The following ANKS1B variants were observed in gnomAD, a reference collection of about 807,000 sequenced individuals.
ANKS1B encodes the protein ankyrin repeat and sterile alpha motif domain containing 1B.
Under a neutral mutation model 148.3 loss-of-function variants are expected in ANKS1B, and 36 were observed. The ratio of observed to expected loss-of-function variants is 0.24; its 90% CI spans 0.19 to 0.32. The LOEUF (loss-of-function observed/expected upper bound fraction) is 0.32. Among genes scored for constraint, ANKS1B ranks in the 10% least tolerant of loss-of-function variants. ANKS1B has a pLI of 1.00. For synonymous variants in ANKS1B, 542 were observed against 560.8 expected, an observed-to-expected ratio of 0.97 and a Z score of 0.47; for missense variants, 1,157 against 1,542.6, an observed-to-expected ratio of 0.75 and a Z score of 4.19.
chr12:99,564,489 G>A (rs907384279), intron 9 of ANKS1B, among the ~76,000 whole-genome samples: 10 of 151,632 alleles, frequency 6.6e-5, no homozygotes, highest in African/African-American at 1.9e-4. Context: ...AAAAAATAGA[G>A]ACCAATTTAA....
intron 12 of ANKS1B, among the ~76,000 whole-genome samples, chr12:99,277,008 G>A (rs141555668): frequency 3.0e-4 from 46 of 152,126 alleles, no homozygotes; most frequent in East Asian, 1.4e-3. Context: ...CTTTCTTGCC[G>A]AATATCACTA....
rs1030631428 is a variant in ANKS1B at position 98,801,059 on chromosome 12, C to T, written c.3208G>A (p.Val1070Ile). 3 of 1,612,638 alleles carry T rather than the reference C, an allele frequency of 1.9e-6. No homozygotes were observed. The South Asian group carries it at 3.3e-5, about 18-fold the overall frequency. Residue 1070 changes from valine (V) to isoleucine (I), a missense_variant, in exon 21 of 27, where the codon GTA becomes ATA. Coordinates refer to ENST00000683438, the MANE Select transcript of ANKS1B (RefSeq NM_001352186.2). This position sits in a 1 kb window ranked among gnomAD's most constrained non-coding sequence, Gnocchi z 5.2. ...TCTGGGTGATGCTGCCAGTACTGTA[C>T]CGGGGTAGAGGCTGTGGCTTCATTC... is the stretch of plus-strand genomic sequence containing the variant. ...PPNEATASTP[V>I]QYWQHHPEKL...
At chr12:99,377,064 G>A (rs1486242930) in intron 12 of ANKS1B, among the ~76,000 whole-genome samples, 1 of 151,270 alleles carries the variant, frequency 6.6e-6, no homozygotes, top group East Asian at 1.9e-4. Context: ...CTGAAGTGCC[G>A]TGGTGCGATC....
At chr12:99,889,039 T>C (rs999526924) in intron 1 of ANKS1B, among the ~76,000 whole-genome samples, 3 of 151,202 alleles carry the variant, frequency 2.0e-5, no homozygotes, top group African/African-American at 7.3e-5. Context: ...TATGTACTTA[T>C]TAAAAAGGAA....
At chr12:98,934,648 T>C (rs1035451204) in intron 17 of ANKS1B, among the ~76,000 whole-genome samples, 2 of 152,120 alleles carry the variant, frequency 1.3e-5, no homozygotes, top group African/African-American at 4.8e-5. Context: ...TTCTTTTTAC[T>C]ATATTTTGTA....
At chr12:99,805,268 A>AAAAAAAAAAG (rs2067477221) in intron 4 of ANKS1B, among the ~76,000 whole-genome samples, 1 of 142,688 alleles carries the variant, frequency 7.0e-6, no homozygotes, top group Non-Finnish European at 1.5e-5. Context: ...AAAGGCAAAA[A>AAAAAAAAAAG]AAAAAAAAAA....
intron 17 of ANKS1B, among the ~76,000 whole-genome samples, chr12:98,938,503 G>A (rs1389118848): frequency 2.0e-5 from 3 of 152,190 alleles, no homozygotes; most frequent in Non-Finnish European, 4.4e-5. Flanking sequence ...AGGCAGGGCT[G>A]AGAACCATTG....
chr12:99,812,205 C>T lies in ANKS1B; in HGVS notation c.322G>A (p.Val108Met), dbSNP rs1386942788. 1.9e-6 allele frequency: 3 copies of T among 1,611,904 alleles called. No individual in the cohort carries two copies. The highest frequency in any genetic ancestry group is 1.3e-5 in the African/African-American group (1 of 74,782). The change falls in exon 3 of 27, where the codon GTG becomes ATG. Residue 108 changes from valine (V) to methionine (M), a missense_variant. Around this residue, in one of 6 missense-constraint regions of ANKS1B, gnomAD observed 164 missense variants for 232.6 expected, o/e 0.71. Coordinates refer to ENST00000683438, the MANE Select transcript of ANKS1B (RefSeq NM_001352186.2). ...GGTCCATGATGAATAAGAATCTTCACAATTTCCACATCTCCTTTCCAGGCA... is the reference window on the plus strand; with the variant it reads ...GGTCCATGATGAATAAGAATCTTCATAATTTCCACATCTCCTTTCCAGGCA... The part of the protein sequence containing the change: ...LAAWKGDVEI[V>M]KILIHHGPSH...
intron 19 of ANKS1B, among the ~76,000 whole-genome samples, chr12:98,811,787 T>C (rs1020371120): frequency 2.0e-5 from 3 of 152,132 alleles, no homozygotes; most frequent in Non-Finnish European, 4.4e-5. Context: ...GGCTCCATGA[T>C]TGATAGCTTT....
At chr12:99,260,499 T>C (rs1351763798) in intron 12 of ANKS1B, among the ~76,000 whole-genome samples, 1 of 152,060 alleles carries the variant, frequency 6.6e-6, no homozygotes, top group Non-Finnish European at 1.5e-5. Flanking sequence ...AGCAGGAGAG[T>C]TATCAAAAGT....
chr12:99,046,088 C>G (rs2099962127), intron 17 of ANKS1B, among the ~76,000 whole-genome samples: 1 of 152,010 alleles, frequency 6.6e-6, no homozygotes, highest in Non-Finnish European at 1.5e-5. Context: ...ATTGGGAAGC[C>G]CTGAAATTCA....
At chr12:99,841,800 G>A (rs7974540) in intron 1 of ANKS1B, among the ~76,000 whole-genome samples, 42,626 of 151,402 alleles carry the variant, frequency 0.28, 6,378 homozygotes, top group African/African-American at 0.36. Context: ...TTTTTAAATC[G>A]GTTGTTATTG....
At chr12:99,415,664 C>T (rs2094874679) in intron 11 of ANKS1B, among the ~76,000 whole-genome samples, 1 of 152,114 alleles carries the variant, frequency 6.6e-6, no homozygotes, top group African/African-American at 2.4e-5. Flanking sequence ...CAGAGCAATT[C>T]CATCACCACG....
At chr12:99,584,671 T>G (rs902185597) in intron 9 of ANKS1B, among the ~76,000 whole-genome samples, 5 of 152,166 alleles carry the variant, frequency 3.3e-5, no homozygotes, top group African/African-American at 1.2e-4. Context: ...GAAAGAGGTC[T>G]AATTGACTCA....
intron 2 of ANKS1B, among the ~76,000 whole-genome samples, chr12:99,824,360 C>T (rs1363616234): frequency 1.3e-5 from 2 of 151,834 alleles, no homozygotes; most frequent in African/African-American, 4.8e-5. Context: ...ATTGGCCAGG[C>T]GTGGTGGTGG....
chr12:99,674,689 T>C (rs2098554106), intron 8 of ANKS1B, among the ~76,000 whole-genome samples: 1 of 151,814 alleles, frequency 6.6e-6, no homozygotes, highest in African/African-American at 2.4e-5. Flanking sequence ...ATTGAAGTCT[T>C]CTGTGGGAAA....
chr12:99,703,988 G>A (rs181705483), intron 8 of ANKS1B, among the ~76,000 whole-genome samples: 3 of 152,160 alleles, frequency 2.0e-5, no homozygotes, highest in Non-Finnish European at 4.4e-5. Context: ...AAATGATAGC[G>A]TATCAAGAAT....
intron 9 of ANKS1B, among the ~76,000 whole-genome samples, chr12:99,529,431 T>A (rs968257421): frequency 6.6e-6 from 1 of 152,170 alleles, no homozygotes; most frequent in African/African-American, 2.4e-5. Context: ...GATGGGCCGA[T>A]CAGCTGAGGT....
intron 11 of ANKS1B, among the ~76,000 whole-genome samples, chr12:99,430,071 G>GAA (rs11406095): frequency 6.7e-6 from 1 of 149,706 alleles, no homozygotes; most frequent in African/African-American, 2.5e-5. Context: ...AAGATCTTTA[G>GAA]AAAAAAAAGA....
Sources: allele counts gnomAD v4.1 joint callset (sites outside exome capture counted in the v4.1 genomes callset), GRCh38; gene constraint gnomAD v4.1.1; regional missense constraint gnomAD v4.1.1; non-coding constraint Gnocchi (gnomAD v3.1); transcripts MANE v1.5; gene names NCBI Gene and HGNC (gene_info 2026-07-23, HGNC 2026-07-21).